RBFOX1: variants seen among roughly 807,000 people sequenced by gnomAD.
The protein encoded by RBFOX1 is RNA binding protein fox-1 homolog 1.
A neutral mutation model predicts 57.7 loss-of-function variants in RBFOX1; 8 were observed. The ratio of observed to expected loss-of-function variants is 0.14; its 90% CI spans 0.08 to 0.25. The LOEUF (loss-of-function observed/expected upper bound fraction) is 0.25, where lower values mean the gene tolerates loss of function less well. RBFOX1 is among the 10% of genes least tolerant of loss of function. RBFOX1 has a pLI of 1.00. For missense variants in RBFOX1, 611 were observed against 548.5 expected (o/e 1.11, Z -1.14); for synonymous variants, 326 against 222.4 (o/e 1.47, Z -4.15).
chr16:6,875,899 G>C (rs748396845), intron 3 of RBFOX1, among the ~76,000 whole-genome samples: 1 of 152,184 alleles, frequency 6.6e-6, no homozygotes, highest in Non-Finnish European at 1.5e-5. Context: ...TTGAAGGGCT[G>C]AGGTGGGAGG....
intron 2 of RBFOX1, among the ~76,000 whole-genome samples, chr16:6,599,134 G>A (rs958163788): frequency 3.9e-5 from 6 of 152,126 alleles, no homozygotes; most frequent in Non-Finnish European, 5.9e-5. Flanking sequence ...GTCATTTGGC[G>A]TTATCCATGT....
At chr16:5,814,101 G>C (rs1270000371) in intron 3 of RBFOX1, among the ~76,000 whole-genome samples, 1 of 152,138 alleles carries the variant, frequency 6.6e-6, no homozygotes, top group Non-Finnish European at 1.5e-5. Flanking sequence ...TAACTAACCT[G>C]TAATTACTCT....
intron 1 of RBFOX1, among the ~76,000 whole-genome samples, chr16:6,257,060 T>C (rs955944301): frequency 1.3e-5 from 2 of 152,166 alleles, no homozygotes; most frequent in African/African-American, 2.4e-5. Flanking sequence ...ACAGGGGTCA[T>C]TTTTTGATGT....
intron 3 of RBFOX1, among the ~76,000 whole-genome samples, chr16:6,901,076 C>A (rs1033184977): frequency 2.6e-5 from 4 of 152,200 alleles, no homozygotes. Flanking sequence ...CTGGATACTT[C>A]TCAGTTGTGC....
chr16:6,685,278 T>C (rs1041904764), intron 3 of RBFOX1, among the ~76,000 whole-genome samples: 15 of 103,224 alleles, frequency 1.5e-4, no homozygotes, highest in East Asian at 2.6e-4. Flanking sequence ...TTTTTCTTTT[T>C]TTTTTTTTTT....
intron 13 of RBFOX1, among the ~76,000 whole-genome samples, chr16:7,670,738 C>T (rs376032408): frequency 9.2e-5 from 14 of 152,214 alleles, no homozygotes; most frequent in East Asian, 5.8e-4. Context: ...TTATAGGGTA[C>T]GTCCCTCAGT....
intron 3 of RBFOX1, among the ~76,000 whole-genome samples, chr16:6,977,956 A>G (rs1432189052): frequency 6.7e-6 from 1 of 149,902 alleles, no homozygotes; most frequent in Non-Finnish European, 1.5e-5. Context: ...AAAAAAGGCA[A>G]ACCTCCTTTC....
rs1319557032 is a variant in RBFOX1, at chr16:6,940,820, G to C, written c.-15-111237G>C. On this transcript the variant is annotated intron_variant, in intron 3 of 15. Coordinates refer to ENST00000550418, the MANE Select transcript of RBFOX1 (RefSeq NM_018723.4). ...TGTGTGTGTGTGTGTGTAGCTGGGA[G>C]TACAGGCGCCTGCCACCATGTCCGG... Among the ~76,000 whole-genome samples, 4 of 139,088 alleles carry C rather than the reference G, an allele frequency of 2.9e-5. No homozygotes were observed. In the South Asian group the frequency reaches 9.5e-4, roughly 33 times the overall value. 91.2% of individuals were successfully genotyped at this position (139,088 alleles called of 152,430 possible).
intron 4 of RBFOX1, among the ~76,000 whole-genome samples, chr16:5,986,465 C>T (rs1178150057): frequency 6.6e-6 from 1 of 152,196 alleles, no homozygotes; most frequent in Non-Finnish European, 1.5e-5. Flanking sequence ...TTTTGCAAAA[C>T]TATGGTACAA....
intron 4 of RBFOX1, among the ~76,000 whole-genome samples, chr16:5,882,185 C>G (rs1195990900): frequency 6.6e-6 from 1 of 152,162 alleles, no homozygotes; most frequent in Non-Finnish European, 1.5e-5. Flanking sequence ...TCACTAACCT[C>G]TACTGCCTTG....
intron 1 of RBFOX1, among the ~76,000 whole-genome samples, chr16:5,392,736 A>T (rs1402942195): frequency 6.6e-6 from 1 of 151,892 alleles, no homozygotes; most frequent in African/African-American, 2.4e-5. Context: ...TGTAGAAACA[A>T]ATGTGCTCAT....
intron 4 of RBFOX1, among the ~76,000 whole-genome samples, chr16:6,000,705 G>A (rs1025832461): frequency 6.6e-6 from 1 of 151,198 alleles, no homozygotes; most frequent in African/African-American, 2.4e-5. Context: ...GGATGAGTGG[G>A]TTGGTGGATG....
intron 4 of RBFOX1, among the ~76,000 whole-genome samples, chr16:5,907,616 A>T (rs887806396): frequency 6.6e-6 from 1 of 152,038 alleles, no homozygotes; most frequent in African/African-American, 2.4e-5. Flanking sequence ...TCTCGTAACA[A>T]CCCCTGAGTA....
chr16:7,609,415 G>A (rs901455126), intron 10 of RBFOX1, among the ~76,000 whole-genome samples: 1 of 152,134 alleles, frequency 6.6e-6, no homozygotes, highest in Non-Finnish European at 1.5e-5. Flanking sequence ...TGTTGAGGAG[G>A]ACATTAAGAT....
At chr16:7,626,546 C>T (rs987991954) in intron 10 of RBFOX1, among the ~76,000 whole-genome samples, 3 of 152,102 alleles carry the variant, frequency 2.0e-5, no homozygotes, top group African/African-American at 7.2e-5. Context: ...TCCCATGGAG[C>T]CAAATGTCTG....
chr16:7,019,648 C>G (rs539152371), intron 3 of RBFOX1, among the ~76,000 whole-genome samples: 1 of 152,088 alleles, frequency 6.6e-6, no homozygotes, highest in East Asian at 1.9e-4. Flanking sequence ...GATTCCTAGG[C>G]TAGGCCATTA....
chr16:7,239,775 T>G (rs2093962334), intron 4 of RBFOX1, among the ~76,000 whole-genome samples: 1 of 152,180 alleles, frequency 6.6e-6, no homozygotes, highest in South Asian at 2.1e-4. Context: ...GTAACTCACT[T>G]AGGGATGAAA....
intron 4 of RBFOX1, among the ~76,000 whole-genome samples, chr16:7,242,786 C>T (rs757256006): frequency 9.2e-5 from 14 of 152,326 alleles, no homozygotes; most frequent in African/African-American, 2.4e-4. Flanking sequence ...ACTGGCTAAA[C>T]GGCTCAGCCA....
intron 1 of RBFOX1, among the ~76,000 whole-genome samples, chr16:5,267,850 G>A (rs1346639740): frequency 6.6e-6 from 1 of 152,154 alleles, no homozygotes; most frequent in Non-Finnish European, 1.5e-5. Context: ...GGGAGGCCAA[G>A]GCAGGTGGAT....
Sources: allele counts gnomAD v4.1 joint callset (sites outside exome capture counted in the v4.1 genomes callset), GRCh38; gene constraint gnomAD v4.1.1; transcripts MANE v1.5; gene names NCBI Gene and HGNC (gene_info 2026-07-23, HGNC 2026-07-21).